Variants in PRKG1 observed in about 807,000 individuals in gnomAD.
PRKG1 encodes cGMP-dependent protein kinase 1.
In PRKG1, 35 loss-of-function variants were observed where a neutral mutation model predicts 88.1. The ratio of observed to expected loss-of-function variants is 0.40; its 90% CI spans 0.30 to 0.53. The LOEUF (loss-of-function observed/expected upper bound fraction) is 0.53, where lower values mean the gene tolerates loss of function less well. Ranked by LOEUF, PRKG1 falls within the 20% of genes least tolerant of loss-of-function variation. PRKG1 has a pLI of 0.59. For missense variants in PRKG1, 540 were observed against 839.8 expected (o/e 0.64, Z 4.41); for synonymous variants, 303 against 292.5 (o/e 1.04, Z -0.37).
At chr10:51,940,116 CT>C (rs1229097536) in intron 5 of PRKG1, among the ~76,000 whole-genome samples, 1 of 151,892 alleles carries the variant, frequency 6.6e-6, no homozygotes, top group Non-Finnish European at 1.5e-5. Context: ...TAGCTCTATT[CT>C]TTTTTTCATG....
chr10:50,991,438 A>T lies in PRKG1; in HGVS notation c.60A>T (p.Lys20Asn). Reference sequence around the variant, plus strand: ...TCATGCTCAAGGAGGAGAGGATCAAAGAGCTGGAGAAGCGGCTGTCAGAGA... The same window carrying T: ...TCATGCTCAAGGAGGAGAGGATCAATGAGCTGGAGAAGCGGCTGTCAGAGA... The change falls in exon 1 of 18, where the codon AAA (lysine) becomes AAT (asparagine). Residue 20 changes from lysine to asparagine, a missense_variant. Coordinates refer to the PRKG1 transcript ENST00000401604. The surrounding 1 kb of genome is among the most constrained non-coding windows in gnomAD (Gnocchi z 4.5). 3 of 1,595,774 alleles carry T rather than the reference A, an allele frequency of 1.9e-6. No homozygotes were observed. The highest frequency in any genetic ancestry group is 2.6e-6 in the Non-Finnish European group (3 of 1,171,572).
intron 1 of PRKG1, among the ~76,000 whole-genome samples, chr10:51,066,674 A>G (rs923050132): frequency 3.3e-5 from 5 of 152,154 alleles, no homozygotes; most frequent in Non-Finnish European, 7.4e-5. Flanking sequence ...TTTACATGGT[A>G]TATACAGTAT....
intron 5 of PRKG1, among the ~76,000 whole-genome samples, chr10:51,957,749 G>C (rs1353077024): frequency 6.6e-6 from 1 of 152,112 alleles, no homozygotes; most frequent in Admixed American, 6.6e-5. Context: ...CCTCTGCTTA[G>C]GGCTATATGG....
intron 1 of PRKG1, among the ~76,000 whole-genome samples, chr10:51,117,614 CACA>C (rs1326406840): frequency 6.6e-6 from 1 of 152,120 alleles, no homozygotes; most frequent in Admixed American, 6.6e-5. Flanking sequence ...ATGTAATTTC[CACA>C]ACAATTAGGA....
chr10:51,584,655 A>T (rs949119330), intron 3 of PRKG1, among the ~76,000 whole-genome samples: 1 of 152,056 alleles, frequency 6.6e-6, no homozygotes, highest in African/African-American at 2.4e-5. Context: ...GTTTCTGAGT[A>T]CCTAATAAAT....
At chr10:51,820,520 T>A (rs1839715292) in intron 4 of PRKG1, among the ~76,000 whole-genome samples, 1 of 152,180 alleles carries the variant, frequency 6.6e-6, no homozygotes, top group South Asian at 2.1e-4. Flanking sequence ...GCACACCTCC[T>A]GCTAATCTGA....
chr10:52,281,942 A>G (rs751926082), intron 13 of PRKG1, among the ~76,000 whole-genome samples: 4 of 152,138 alleles, frequency 2.6e-5, no homozygotes, highest in Non-Finnish European at 5.9e-5. Context: ...TGTGAATTTT[A>G]TGCTATACTC....
intron 4 of PRKG1, among the ~76,000 whole-genome samples, chr10:51,869,538 C>A (rs911342572): frequency 6.6e-6 from 1 of 152,056 alleles, no homozygotes; most frequent in African/African-American, 2.4e-5. Flanking sequence ...ACAGATCCAG[C>A]CCTTGAACTC....
chr10:51,256,746 A>G (rs913138315), intron 2 of PRKG1, among the ~76,000 whole-genome samples: 3 of 152,122 alleles, frequency 2.0e-5, no homozygotes, highest in Non-Finnish European at 2.9e-5. Flanking sequence ...TTGATGAGGC[A>G]TTCTCTCAGT....
At chr10:51,902,063 C>T (rs889261347) in intron 4 of PRKG1, among the ~76,000 whole-genome samples, 7 of 152,088 alleles carry the variant, frequency 4.6e-5, no homozygotes, top group East Asian at 1.9e-4. Flanking sequence ...CTTTTCAAAG[C>T]GATAATCTAT....
At chr10:51,164,222 G>A (rs1015871192) in intron 2 of PRKG1, among the ~76,000 whole-genome samples, 1 of 152,270 alleles carries the variant, frequency 6.6e-6, no homozygotes, top group Admixed American at 6.5e-5. Context: ...CGATCAGACA[G>A]CAGCATTCAC....
intron 1 of PRKG1, among the ~76,000 whole-genome samples, chr10:51,138,821 T>C (rs1475050692): frequency 6.6e-6 from 1 of 151,512 alleles, no homozygotes; most frequent in Admixed American, 6.6e-5. Flanking sequence ...TAGCTGGGAT[T>C]ACAGGCATGC....
Position 52,251,655 on chromosome 10 carries a change from C to T in PRKG1, c.1162C>T (p.Arg388Ter). The change falls in exon 10 of 18, where the codon CGA (arginine) becomes TGA (stop). Residue 388 changes from arginine to a stop codon, truncating the protein, a stop_gained. Coordinates refer to ENST00000373980, the MANE Select transcript of PRKG1 (RefSeq NM_006258.4). LOFTEE classifies it high-confidence loss of function. ...IDTLGVGGFGRVELVQLKSEE... is the reference protein window; with the variant it reads ...IDTLGVGGFG ...TACCCTTGGAGTTGGAGGTTTCGGACGAGTAGAACTGGTAGGTGATTGTTC... is the reference window on the plus strand; with the variant it reads ...TACCCTTGGAGTTGGAGGTTTCGGATGAGTAGAACTGGTAGGTGATTGTTC... 1.2e-6 allele frequency: 2 copies of T among 1,612,352 alleles called. No individual in the cohort carries two copies. Among genetic ancestry groups the T allele is most frequent in the Non-Finnish European group, 1.7e-6 (2 of 1,178,584 alleles).
At chr10:51,698,534 C>A (rs754728510) in intron 3 of PRKG1, 1 of 1,614,132 alleles carries the variant, frequency 6.2e-7, no homozygotes, top group Non-Finnish European at 8.5e-7. Flanking sequence ...CAAAGTCCCT[C>A]CACGTGGGTC....
chr10:51,731,931 A>C (rs950906735), intron 3 of PRKG1, among the ~76,000 whole-genome samples: 11 of 152,022 alleles, frequency 7.2e-5, no homozygotes, highest in African/African-American at 9.7e-5. Flanking sequence ...CTGTGTCCTT[A>C]CATGGTCTTT....
At chr10:51,175,721 G>A (rs1837173707) in intron 2 of PRKG1, among the ~76,000 whole-genome samples, 1 of 152,028 alleles carries the variant, frequency 6.6e-6, no homozygotes, top group Admixed American at 6.6e-5. Flanking sequence ...CAAAATGTGA[G>A]TCCTGGACCA....
intron 9 of PRKG1, among the ~76,000 whole-genome samples, chr10:52,244,497 G>A (rs971232886): frequency 2.1e-5 from 3 of 145,466 alleles, no homozygotes; most frequent in Admixed American, 1.4e-4. Context: ...ATAAGGACAT[G>A]TATCTCCTAA....
intron 4 of PRKG1, among the ~76,000 whole-genome samples, chr10:51,817,369 C>CCCTG (rs1839620322): frequency 7.4e-6 from 1 of 135,548 alleles, no homozygotes; most frequent in African/African-American, 2.6e-5. Flanking sequence ...CCCTGACAGG[C>CCCTG]CCTGGTGTGT....
At chr10:52,206,610 C>T (rs1363910421) in intron 9 of PRKG1, among the ~76,000 whole-genome samples, 1 of 152,172 alleles carries the variant, frequency 6.6e-6, no homozygotes, top group Non-Finnish European at 1.5e-5. Flanking sequence ...TTGATGCCCT[C>T]AAACCCTGGC....
Sources: gnomAD v4.1 joint callset for allele counts (sites outside exome capture counted in the v4.1 genomes callset) on GRCh38, gnomAD v4.1.1 for gene constraint, Gnocchi (gnomAD v3.1) non-coding constraint, MANE v1.5 for transcripts, NCBI Gene and HGNC (gene_info 2026-07-23, HGNC 2026-07-21) for gene names.